Variants in CTNNA2 observed in about 807,000 individuals in gnomAD.
CTNNA2 encodes catenin alpha-2.
A neutral mutation model predicts 101.0 loss-of-function variants in CTNNA2; 42 were observed. The ratio of observed to expected loss-of-function variants is 0.42; its 90% CI spans 0.32 to 0.54. The LOEUF (loss-of-function observed/expected upper bound fraction) is 0.54, where lower values mean the gene tolerates loss of function less well. Ranked by LOEUF, CTNNA2 falls within the 20% of genes least tolerant of loss-of-function variation. CTNNA2 has a pLI of 0.14. For missense variants in CTNNA2, 871 were observed against 1,223.1 expected, an observed-to-expected ratio of 0.71 and a Z score of 4.29; for synonymous variants, 450 against 456.4, an observed-to-expected ratio of 0.99 and a Z score of 0.18.
chr2:79,989,119 A>G (rs141825413), intron 7 of CTNNA2, among the ~76,000 whole-genome samples: 16 of 152,350 alleles, frequency 1.1e-4, no homozygotes, highest in Admixed American at 2.0e-4. Flanking sequence ...TGTGATACTT[A>G]TGAATTAAAA....
chr2:80,253,494 C>T (rs1009551641), intron 7 of CTNNA2, among the ~76,000 whole-genome samples: 30 of 152,230 alleles, frequency 2.0e-4, no homozygotes, highest in African/African-American at 7.0e-4. Context: ...TCTTGCCTGT[C>T]CTCATCTTCC....
chr2:80,005,320 A>C (rs911498213), intron 7 of CTNNA2, among the ~76,000 whole-genome samples: 1 of 152,160 alleles, frequency 6.6e-6, no homozygotes, highest in Non-Finnish European at 1.5e-5. Context: ...TCACATAAAA[A>C]TGTCCTAAGG....
At chr2:79,955,688 G>T (rs369709129) in intron 7 of CTNNA2, among the ~76,000 whole-genome samples, 54 of 151,620 alleles carry the variant, frequency 3.6e-4, no homozygotes, top group Admixed American at 1.6e-3. Context: ...ATTTTTTTTT[G>T]ATTTTTTGTA....
intron 7 of CTNNA2, among the ~76,000 whole-genome samples, chr2:80,124,560 T>C (rs1333989684): frequency 6.6e-6 from 1 of 152,172 alleles, no homozygotes; most frequent in Non-Finnish European, 1.5e-5. Flanking sequence ...CAAACATAGT[T>C]TACTAAATAT....
chr2:79,625,267 A>G (rs1482521187), intron 1 of CTNNA2, among the ~76,000 whole-genome samples: 1 of 152,180 alleles, frequency 6.6e-6, no homozygotes, highest in East Asian at 1.9e-4. Context: ...ATAGAGACTC[A>G]ATTTTTGATG....
At chr2:79,356,437 A>G (rs1182137861) in intron 3 of CTNNA2, among the ~76,000 whole-genome samples, 2 of 152,212 alleles carry the variant, frequency 1.3e-5, no homozygotes, top group Non-Finnish European at 2.9e-5. Context: ...TTTAATAAAC[A>G]AAAGTTTTAA....
At chr2:79,764,543 A>G (rs571609439) in intron 3 of CTNNA2, among the ~76,000 whole-genome samples, 7 of 152,196 alleles carry the variant, frequency 4.6e-5, no homozygotes, top group African/African-American at 1.7e-4. Context: ...TGTTTATAAC[A>G]TTACATCCTT....
chr2:79,730,453 G>T (rs559087494), intron 2 of CTNNA2, among the ~76,000 whole-genome samples: 76 of 151,856 alleles, frequency 5.0e-4, no homozygotes, highest in Non-Finnish European at 9.1e-4. Flanking sequence ...CTAATGGAGA[G>T]ATTTTTTTTT....
At chr2:79,494,492 C>T (rs1038549555) in intron 4 of CTNNA2, among the ~76,000 whole-genome samples, 6 of 151,746 alleles carry the variant, frequency 4.0e-5, no homozygotes, top group South Asian at 2.1e-4. Flanking sequence ...AGTAGAGACC[C>T]GGGAAGTAAA....
intron 7 of CTNNA2, among the ~76,000 whole-genome samples, chr2:80,388,132 A>G (rs1168524383): frequency 6.6e-6 from 1 of 152,218 alleles, no homozygotes; most frequent in Non-Finnish European, 1.5e-5. Context: ...ATGAAATCAC[A>G]GAATCCTGAA....
chr2:79,287,678 G>A (rs1675647946), intron 2 of CTNNA2, among the ~76,000 whole-genome samples: 1 of 152,170 alleles, frequency 6.6e-6, no homozygotes, highest in Admixed American at 6.5e-5. Context: ...ATTTAAGTCT[G>A]CAGAGGTTAC....
chr2:79,889,647 T>C (rs903301214), intron 6 of CTNNA2, among the ~76,000 whole-genome samples: 2 of 152,202 alleles, frequency 1.3e-5, no homozygotes, highest in African/African-American at 2.4e-5. Context: ...GGGATGAACA[T>C]TTATATGTGT....
chr2:79,793,338 C>A (rs2105262494), intron 3 of CTNNA2, among the ~76,000 whole-genome samples: 1 of 152,248 alleles, frequency 6.6e-6, no homozygotes, highest in African/African-American at 2.4e-5. Context: ...ACGCTGAGTC[C>A]CATGGGGGTG....
chr2:79,477,448 G>C (rs1021469473), intron 4 of CTNNA2, among the ~76,000 whole-genome samples: 3 of 152,136 alleles, frequency 2.0e-5, no homozygotes, highest in African/African-American at 7.2e-5. Context: ...TAGGATTACA[G>C]GCATGAGCCA....
intron 6 of CTNNA2, among the ~76,000 whole-genome samples, chr2:79,887,977 G>A (rs1292779287): frequency 6.6e-6 from 1 of 152,146 alleles, no homozygotes. Flanking sequence ...ACTCCTGTGG[G>A]TTCTTAGATC....
chr2:80,000,861 G>A (rs1355902204), intron 7 of CTNNA2, among the ~76,000 whole-genome samples: 1 of 152,132 alleles, frequency 6.6e-6, no homozygotes, highest in African/African-American at 2.4e-5. Flanking sequence ...CAACAAGCGG[G>A]GAAGGGTGAG....
At chr2:79,216,122 A>G (rs188036050) in intron 2 of CTNNA2, among the ~76,000 whole-genome samples, 2 of 152,284 alleles carry the variant, frequency 1.3e-5, no homozygotes, top group Admixed American at 1.3e-4. Flanking sequence ...GTAGGATGGA[A>G]AAAATGAAAG....
At chr2:79,648,863 T>C (rs1681017346) in intron 1 of CTNNA2, among the ~76,000 whole-genome samples, 1 of 152,232 alleles carries the variant, frequency 6.6e-6, no homozygotes, top group South Asian at 2.1e-4. Context: ...AAACAGCATT[T>C]CACATTTCTA....
chr2:80,065,106 AT>A (rs1233091019), intron 7 of CTNNA2, among the ~76,000 whole-genome samples: 1 of 152,176 alleles, frequency 6.6e-6, no homozygotes, highest in Non-Finnish European at 1.5e-5. Flanking sequence ...CAGTGGACTT[AT>A]GGCCAGTATG....
Sources: gnomAD v4.1 joint callset for allele counts (sites outside exome capture counted in the v4.1 genomes callset) on GRCh38, gnomAD v4.1.1 for gene constraint, MANE v1.5 for transcripts, NCBI Gene and HGNC (gene_info 2026-07-23, HGNC 2026-07-21) for gene names.